MARCHF1: variants seen among roughly 807,000 people sequenced by gnomAD.
The protein encoded by MARCHF1 is E3 ubiquitin-protein ligase MARCHF1.
MARCHF1 carries 40 observed loss-of-function variants against 54.2 expected under a neutral mutation model. That is an observed-to-expected ratio of 0.74 (90% CI 0.57 to 0.96). MARCHF1 has a LOEUF of 0.96. Among genes scored for constraint, MARCHF1 ranks in the 40% least tolerant of loss-of-function variants. The pLI is 0.00. For synonymous variants in MARCHF1, 236 were observed against 236.3 expected, an observed-to-expected ratio of 1.00 and a Z score of 0.01; for missense variants, 586 against 656.5, an observed-to-expected ratio of 0.89 and a Z score of 1.17.
At chr4:163,727,039 CAG>C (rs1452781942) in intron 4 of MARCHF1, among the ~76,000 whole-genome samples, 1 of 152,162 alleles carries the variant, frequency 6.6e-6, no homozygotes, top group African/African-American at 2.4e-5. Context: ...ATTATCTTGG[CAG>C]TGCCTTTTGC....
At chr4:164,034,061 TGATAGACA>T (rs1280129354) in intron 2 of MARCHF1, among the ~76,000 whole-genome samples, 5 of 107,472 alleles carry the variant, frequency 4.7e-5, no homozygotes, top group African/African-American at 1.7e-4. Flanking sequence ...AAAGAAAATG[TGATAGACA>T]GATAGATAGA....
intron 7 of MARCHF1, among the ~76,000 whole-genome samples, chr4:163,593,658 T>C (rs961005148): frequency 7.9e-5 from 12 of 152,216 alleles, no homozygotes; most frequent in Non-Finnish European, 1.6e-4. Context: ...TCATTAATCT[T>C]ATCTGGCTGA....
At chr4:164,320,817 G>A (rs1012235608) in intron 1 of MARCHF1, among the ~76,000 whole-genome samples, 2 of 151,724 alleles carry the variant, frequency 1.3e-5, no homozygotes, top group Non-Finnish European at 2.9e-5. Flanking sequence ...GGGGCTGGGG[G>A]GTTGTAGGTT....
At chr4:164,191,012 T>A (rs1731109350) in intron 1 of MARCHF1, among the ~76,000 whole-genome samples, 1 of 152,194 alleles carries the variant, frequency 6.6e-6, no homozygotes. Context: ...TATCTTTCCC[T>A]CAATGGTCAG....
chr4:164,033,716 C>T (rs934043738), intron 2 of MARCHF1, among the ~76,000 whole-genome samples: 3 of 152,150 alleles, frequency 2.0e-5, no homozygotes, highest in Non-Finnish European at 4.4e-5. Flanking sequence ...ATCAAAACCA[C>T]AATTAGATAC....
chr4:164,370,686 A>G (rs1417217677), intron 1 of MARCHF1, among the ~76,000 whole-genome samples: 1 of 152,200 alleles, frequency 6.6e-6, no homozygotes, highest in Non-Finnish European at 1.5e-5. Flanking sequence ...AGGCGGGCAG[A>G]TCACCTGAGG....
At chr4:164,142,940 T>A (rs543478068) in intron 1 of MARCHF1, among the ~76,000 whole-genome samples, 7 of 151,916 alleles carry the variant, frequency 4.6e-5, no homozygotes, top group South Asian at 2.1e-4. Context: ...TTTAGAAGAA[T>A]GTATAACTAG....
intron 2 of MARCHF1, among the ~76,000 whole-genome samples, chr4:164,029,892 G>A (rs555937021): frequency 8.5e-5 from 13 of 152,174 alleles, no homozygotes; most frequent in Non-Finnish European, 1.8e-4. Flanking sequence ...ATCATACCCG[G>A]CCCAGGATTT....
chr4:164,331,594 T>A (rs1185531481), intron 1 of MARCHF1, among the ~76,000 whole-genome samples: 1 of 152,204 alleles, frequency 6.6e-6, no homozygotes, highest in Admixed American at 6.5e-5. Flanking sequence ...TTGTGTGTCT[T>A]AACACGTTGT....
At chr4:164,223,042 C>A (rs1163479108) in intron 1 of MARCHF1, among the ~76,000 whole-genome samples, 1 of 151,936 alleles carries the variant, frequency 6.6e-6, no homozygotes, top group Non-Finnish European at 1.5e-5. Flanking sequence ...ATTTATAAAA[C>A]CATCAGATTC....
At chr4:163,544,594 A>G (rs12508980) in intron 9 of MARCHF1, among the ~76,000 whole-genome samples, 89,895 of 151,988 alleles carry the variant, frequency 0.59, 27,071 homozygotes, top group Admixed American at 0.71. Flanking sequence ...CTAGAGGGCG[A>G]GTGTGAGAAT....
intron 2 of MARCHF1, among the ~76,000 whole-genome samples, chr4:164,076,266 A>C (rs917813047): frequency 6.6e-6 from 1 of 152,202 alleles, no homozygotes; most frequent in Non-Finnish European, 1.5e-5. Flanking sequence ...AGTGCATAAG[A>C]AGACTTTGAA....
chr4:163,680,561 G>A (rs1255984551), intron 5 of MARCHF1, among the ~76,000 whole-genome samples: 5 of 152,166 alleles, frequency 3.3e-5, no homozygotes, highest in African/African-American at 7.2e-5. Context: ...TCTGTGGGTC[G>A]TCACTCTCTA....
chr4:163,579,192 T>C (rs181998169), intron 8 of MARCHF1, among the ~76,000 whole-genome samples: 155 of 152,338 alleles, frequency 1.0e-3, no homozygotes, highest in African/African-American at 3.1e-3. Flanking sequence ...GAGACACTTA[T>C]ACTTTTCATC....
intron 2 of MARCHF1, among the ~76,000 whole-genome samples, chr4:164,031,190 T>G (rs1222522131): frequency 6.6e-6 from 1 of 152,176 alleles, no homozygotes; most frequent in African/African-American, 2.4e-5. Flanking sequence ...TCATTCAATT[T>G]GATATTCAAC....
intron 5 of MARCHF1, among the ~76,000 whole-genome samples, chr4:163,635,481 C>G (rs1742281527): frequency 6.8e-6 from 1 of 147,702 alleles, no homozygotes; most frequent in Non-Finnish European, 1.5e-5. Context: ...CACAAATAAA[C>G]TAGAAAATCT....
At chr4:164,263,093 T>C (rs1237615589) in intron 1 of MARCHF1, among the ~76,000 whole-genome samples, 1 of 152,018 alleles carries the variant, frequency 6.6e-6, no homozygotes, top group Non-Finnish European at 1.5e-5. Flanking sequence ...TGGGAAGTTT[T>C]AAGAAAAAGA....
intron 4 of MARCHF1, among the ~76,000 whole-genome samples, chr4:163,737,667 A>G (rs1746087055): frequency 7.9e-6 from 1 of 126,114 alleles, no homozygotes; most frequent in African/African-American, 2.6e-5. Context: ...AATGCTCATC[A>G]TCACTGGCCA....
rs1290882325 is a variant in MARCHF1, at chr4:163,527,949, A to ATATT, written c.*795_*798dup. On this transcript the variant is annotated 3_prime_UTR_variant, in exon 10 of 10. Coordinates refer to ENST00000514618, the MANE Select transcript of MARCHF1 (RefSeq NM_001394959.1). ...TAAAATAGGGCTACTGGGAAGTTAAATATTTGCATCTGTGGCCTGCATTTG... is the reference window on the plus strand; with the variant it reads ...TAAAATAGGGCTACTGGGAAGTTAAATATTTATTTGCATCTGTGGCCTGCATTTG... 6.6e-6 allele frequency: 1 copy of ATATT among 152,524 alleles called. No individual in the cohort carries two copies. Among genetic ancestry groups the ATATT allele is most frequent in the African/African-American group, 2.4e-5 (1 of 41,458 alleles). The allele number at this position is 152,524 out of a possible 1,614,324, so 9.4% of individuals were successfully genotyped here.
Sources: gnomAD v4.1 joint callset for allele counts (sites outside exome capture counted in the v4.1 genomes callset) on GRCh38, gnomAD v4.1.1 for gene constraint, MANE v1.5 for transcripts, NCBI Gene and HGNC (gene_info 2026-07-23, HGNC 2026-07-21) for gene names.